Variants in DCC observed in about 807,000 individuals in gnomAD.
The protein encoded by DCC is netrin receptor DCC.
In DCC, 58 loss-of-function variants were observed where a neutral mutation model predicts 172.5. The ratio of observed to expected loss-of-function variants is 0.34; its 90% CI spans 0.27 to 0.42. The LOEUF (loss-of-function observed/expected upper bound fraction) is 0.42, where lower values mean the gene tolerates loss of function less well. DCC is among the 10% of genes least tolerant of loss of function. DCC has a pLI of 1.00. For synonymous variants in DCC, 709 were observed against 644.5 expected (o/e 1.10, Z -1.52); for missense variants, 1,740 against 1,791.0 (o/e 0.97, Z 0.51).
At chr18:53,510,060 T>G (rs2046231838) in intron 27 of DCC, among the ~76,000 whole-genome samples, 1 of 152,192 alleles carries the variant, frequency 6.6e-6, no homozygotes, top group South Asian at 2.1e-4. Flanking sequence ...CATCAGTAGA[T>G]CAGAGCCACC....
At chr18:52,474,242 GAA>G (rs34241585) in intron 1 of DCC, among the ~76,000 whole-genome samples, 10,443 of 53,942 alleles carry the variant, frequency 0.19, 1,010 homozygotes, top group East Asian at 0.5. Context: ...GAGAGAGAGA[GAA>G]AGAGAGAGAA....
At chr18:52,985,175 T>C (rs2041272980) in intron 5 of DCC, among the ~76,000 whole-genome samples, 1 of 152,140 alleles carries the variant, frequency 6.6e-6, no homozygotes, top group Admixed American at 6.6e-5. Flanking sequence ...TGTTAGGCTA[T>C]GCTTACTGTT....
intron 1 of DCC, among the ~76,000 whole-genome samples, chr18:52,560,315 T>C (rs965751698): frequency 3.3e-5 from 5 of 152,256 alleles, no homozygotes; most frequent in African/African-American, 1.2e-4. Context: ...TATAATTGTA[T>C]ATAATTCTGT....
At chr18:52,844,390 G>A (rs11878160) in intron 2 of DCC, among the ~76,000 whole-genome samples, 1 of 151,954 alleles carries the variant, frequency 6.6e-6, no homozygotes, top group Admixed American at 6.6e-5. Flanking sequence ...TCTTTAAGAG[G>A]GTTAACCTCC....
intron 12 of DCC, among the ~76,000 whole-genome samples, chr18:53,264,803 A>G (rs2056653322): frequency 6.6e-6 from 1 of 152,148 alleles, no homozygotes; most frequent in Non-Finnish European, 1.5e-5. Context: ...CAGAATGGAC[A>G]GAACAATATG....
At chr18:53,109,586 CTCCT>C (rs1263571033) in intron 7 of DCC, among the ~76,000 whole-genome samples, 7 of 148,360 alleles carry the variant, frequency 4.7e-5, no homozygotes, top group East Asian at 4.0e-4. Context: ...CCCTCCCTCC[CTCCT>C]TCCTTCCTTC....
At chr18:53,296,822 T>C (rs1184393626) in intron 12 of DCC, among the ~76,000 whole-genome samples, 1 of 152,218 alleles carries the variant, frequency 6.6e-6, no homozygotes, top group Non-Finnish European at 1.5e-5. Context: ...AAATTAGTTT[T>C]CAAGATTCGT....
intron 1 of DCC, among the ~76,000 whole-genome samples, chr18:52,462,332 T>G (rs1203683289): frequency 6.6e-6 from 1 of 152,110 alleles, no homozygotes; most frequent in African/African-American, 2.4e-5. Context: ...TCAGTCAAAA[T>G]AAGCATCAAA....
At chr18:52,402,011 G>T (rs934931180) in intron 1 of DCC, among the ~76,000 whole-genome samples, 4 of 152,036 alleles carry the variant, frequency 2.6e-5, no homozygotes, top group Non-Finnish European at 5.9e-5. Context: ...ACATAAGATG[G>T]TTGACTGTCT....
At chr18:53,440,819 C>G (rs1912228842) in intron 22 of DCC, among the ~76,000 whole-genome samples, 1 of 152,112 alleles carries the variant, frequency 6.6e-6, no homozygotes, top group Admixed American at 6.5e-5. Flanking sequence ...TAGTCTAAAC[C>G]CAGATTCTAG....
At chr18:53,248,405 T>G (rs956901594) in intron 12 of DCC, among the ~76,000 whole-genome samples, 6 of 152,020 alleles carry the variant, frequency 3.9e-5, no homozygotes, top group African/African-American at 1.4e-4. Context: ...AGGAAAGTTC[T>G]TCCCCATTTT....
At chr18:52,851,410 G>A (rs751445433) in intron 2 of DCC, among the ~76,000 whole-genome samples, 5 of 152,136 alleles carry the variant, frequency 3.3e-5, no homozygotes, top group Middle Eastern at 3.4e-3. Flanking sequence ...AATTCTGTTT[G>A]TGAATGACTT....
chr18:52,347,875 A>G (rs915556916), intron 1 of DCC, among the ~76,000 whole-genome samples: 1 of 152,130 alleles, frequency 6.6e-6, no homozygotes, highest in African/African-American at 2.4e-5. Context: ...ACTGTACTAT[A>G]CATATAGTGT....
intron 5 of DCC, among the ~76,000 whole-genome samples, chr18:52,964,479 T>A (rs1200766852): frequency 4.6e-5 from 7 of 152,108 alleles, no homozygotes; most frequent in South Asian, 2.1e-4. Flanking sequence ...CAATTTTTTT[T>A]AAAGAATCAT....
intron 15 of DCC, among the ~76,000 whole-genome samples, chr18:53,361,266 G>C (rs1248837539): frequency 6.6e-6 from 1 of 152,108 alleles, no homozygotes; most frequent in African/African-American, 2.4e-5. Context: ...GAACTGTGAA[G>C]AAACGATTTT....
At chr18:53,157,224 G>T in intron 7 of DCC, 132 bp from the exon 8 acceptor site, 1 of 1,122,398 alleles carries the variant, frequency 8.9e-7, no homozygotes, top group Non-Finnish European at 1.4e-6. Context: ...CATTCCCTTG[G>T]TTTTCTTCCT....
intron 5 of DCC, among the ~76,000 whole-genome samples, chr18:52,999,071 A>T (rs117371297): frequency 3.9e-5 from 6 of 152,130 alleles, no homozygotes; most frequent in Non-Finnish European, 4.4e-5. Context: ...AGTATTCAAC[A>T]GCTATTGAAT....
intron 16 of DCC, among the ~76,000 whole-genome samples, chr18:53,386,795 A>C (rs1463845358): frequency 6.6e-6 from 1 of 152,200 alleles, no homozygotes; most frequent in Non-Finnish European, 1.5e-5. Context: ...ACTGAGAAAG[A>C]AATGGGTAAG....
chr18:52,949,877 T>G (rs1943137), intron 5 of DCC, among the ~76,000 whole-genome samples: 2 of 152,210 alleles, frequency 1.3e-5, no homozygotes, highest in Non-Finnish European at 2.9e-5. Context: ...CTAACCTCTT[T>G]AGTCTCAATT....
Sources: gnomAD v4.1 joint callset for allele counts (sites outside exome capture counted in the v4.1 genomes callset) on GRCh38, gnomAD v4.1.1 for gene constraint, MANE v1.5 for transcripts, NCBI Gene and HGNC (gene_info 2026-07-23, HGNC 2026-07-21) for gene names.